The following VASH2 variants were observed in gnomAD, a reference collection of about 807,000 sequenced individuals.
VASH2 encodes vasohibin 2, also known as tubulinyl-Tyr carboxypeptidase 2.
In VASH2, 28 loss-of-function variants were observed where a neutral mutation model predicts 37.2. That is an observed-to-expected ratio of 0.75 (90% CI 0.56 to 1.03). The LOEUF (loss-of-function observed/expected upper bound fraction) is 1.03, where lower values mean the gene tolerates loss of function less well. Ranked by LOEUF, VASH2 falls within the 50% of genes least tolerant of loss-of-function variation. The pLI is 0.00. For synonymous variants in VASH2, 188 were observed against 174.7 expected, an observed-to-expected ratio of 1.08 and a Z score of -0.60; for missense variants, 419 against 459.1, an observed-to-expected ratio of 0.91 and a Z score of 0.80.
intron 7 of VASH2, 94 bp downstream of exon 7, chr1:212,974,164 G>C: frequency 1.4e-6 from 2 of 1,422,438 alleles, no homozygotes; most frequent in South Asian, 3.0e-5. Flanking sequence ...TCTTGGGCAT[G>C]GCATTTGAAC....
intron 7 of VASH2, among the ~76,000 whole-genome samples, 169 bp downstream of exon 7, chr1:212,974,239 G>T (rs60620122): frequency 0.076 from 11,576 of 152,100 alleles, 857 homozygotes; most frequent in African/African-American, 0.2. Context: ...GGATCCACTG[G>T]GCACATCACC....
At chr1:212,958,205 G>A (rs1232068702) in intron 2 of VASH2, among the ~76,000 whole-genome samples, 2 of 152,164 alleles carry the variant, frequency 1.3e-5, no homozygotes, top group African/African-American at 4.8e-5. Flanking sequence ...GGTTGGAAGT[G>A]GACCCTCCAG....
intron 3 of VASH2, among the ~76,000 whole-genome samples, chr1:212,965,390 G>GT (rs35617639): frequency 2.0e-5 from 3 of 152,102 alleles, no homozygotes; most frequent in African/African-American, 2.4e-5. Context: ...AAAAAAACTT[G>GT]TTTTTTTAAA....
At chr1:212,981,471 T>G (rs528425517) in intron 7 of VASH2, among the ~76,000 whole-genome samples, 33 of 152,336 alleles carry the variant, frequency 2.2e-4, no homozygotes, top group African/African-American at 6.0e-4. Flanking sequence ...AATCGGGGCC[T>G]GGTCTGACCT....
intron 5 of VASH2, chr1:212,967,061 A>G (rs1259220300): frequency 7.7e-7 from 1 of 1,293,288 alleles, no homozygotes; most frequent in Non-Finnish European, 1.0e-6. Context: ...GGAAAATTCT[A>G]AGAGTGGCGT....
intron 3 of VASH2, 29 bp from the exon 4 acceptor site, chr1:212,965,693 G>C: frequency 6.5e-7 from 1 of 1,541,394 alleles, no homozygotes; most frequent in Middle Eastern, 1.7e-4. Flanking sequence ...GGAGTTTTCT[G>C]TCACTTTCCC....
intron 2 of VASH2, among the ~76,000 whole-genome samples, chr1:212,955,744 C>T (rs775223533): frequency 2.6e-5 from 4 of 152,194 alleles, no homozygotes; most frequent in African/African-American, 7.2e-5. Flanking sequence ...CCGAGCTTCA[C>T]CTGAGTGAAG....
At position 212,950,898 on chromosome 1, in the gene VASH2, G is replaced by T. The variant is rs1301888996; in HGVS notation, c.-205+158G>T. Among the ~76,000 whole-genome samples, 1 of 152,250 alleles carries T rather than the reference G, an allele frequency of 6.6e-6. No homozygotes were observed. Among genetic ancestry groups the T allele is most frequent in the Non-Finnish European group, 1.5e-5 (1 of 68,038 alleles). The stretch of plus-strand genomic sequence containing the variant: ...CCGGGAGGGCTTCCTGGAAGAAAGC[G>T]GGCCGCCTTGCAAGCCAAGGCTGCT... On this transcript the variant is annotated intron_variant, in intron 1 of 7. Transcript: ENST00000517399. The surrounding 1 kb of genome is among the most constrained non-coding windows in gnomAD (Gnocchi z 5.5).
chr1:212,965,290 G>C (rs1232822546), intron 3 of VASH2, among the ~76,000 whole-genome samples: 1 of 152,180 alleles, frequency 6.6e-6, no homozygotes, highest in Non-Finnish European at 1.5e-5. Flanking sequence ...GTATACCTGA[G>C]GTCCCAGCTA....
At chr1:212,958,293 T>G (rs908299819) in intron 2 of VASH2, among the ~76,000 whole-genome samples, 7 of 151,954 alleles carry the variant, frequency 4.6e-5, no homozygotes, top group Non-Finnish European at 1.0e-4. Flanking sequence ...TCTCTGCGCC[T>G]CCCCGCCACT....
intron 2 of VASH2, chr1:212,952,435 T>A (rs138659439): frequency 6.6e-6 from 1 of 152,516 alleles, no homozygotes; most frequent in Non-Finnish European, 1.5e-5. Context: ...CCCAGCTTAT[T>A]TGTGCTCCAA....
chr1:212,965,019 C>T lies in VASH2; in HGVS notation c.366-703C>T, dbSNP rs1304674196. On this transcript the variant is annotated intron_variant, in intron 3 of 7. Coordinates refer to ENST00000517399, the MANE Select transcript of VASH2 (RefSeq NM_001301056.2). Reference sequence around the variant, plus strand: ...CACCATAAATTCTGCCTCTTAGATTCAAGTGATTCTCCTGCCTCAGCCTCC... The same window carrying T: ...CACCATAAATTCTGCCTCTTAGATTTAAGTGATTCTCCTGCCTCAGCCTCC... Among the ~76,000 whole-genome samples the T allele has an allele frequency of 2.0e-5, 3 of 151,108 alleles. 1 individual carries two copies. The South Asian group carries it at 6.3e-4, about 32-fold the overall frequency.
intron 3 of VASH2, among the ~76,000 whole-genome samples, chr1:212,962,950 G>A (rs965666123): frequency 1.3e-5 from 2 of 151,280 alleles, no homozygotes; most frequent in African/African-American, 4.9e-5. Flanking sequence ...TCTAGAAGGT[G>A]ACAGCAATTA....
chr1:212,974,044 G>A lies in VASH2; in HGVS notation c.969G>A (p.Pro323=), dbSNP rs775209994. The change falls in exon 7 of 8, where the codon CCG becomes CCA. Residue 323 remains proline, a synonymous_variant. Coordinates refer to ENST00000517399, the MANE Select transcript of VASH2 (RefSeq NM_001301056.2). ...CCAGAAGGAGACAGGCAAGCCCCCC[G>A]AGGAGGCTCGGCCGGCGAGAGAAGT... is the stretch of plus-strand genomic sequence containing the variant. ...LSPRRRQASP[P]RRLGRREKSP... 2.5e-5 allele frequency: 41 copies of A among 1,613,390 alleles called. No individual in the cohort carries two copies. Among genetic ancestry groups the A allele is most frequent in the South Asian group, 5.5e-5 (5 of 91,032 alleles).
chr1:212,959,328 C>A (rs1023754746), intron 2 of VASH2, among the ~76,000 whole-genome samples: 6 of 152,160 alleles, frequency 3.9e-5, no homozygotes, highest in African/African-American at 1.4e-4. Flanking sequence ...GCCTTGCCCC[C>A]TGAAATGACT....
chr1:212,954,718 G>A (rs907076536), intron 2 of VASH2, among the ~76,000 whole-genome samples: 10 of 152,094 alleles, frequency 6.6e-5, no homozygotes, highest in Non-Finnish European at 1.5e-5. Context: ...GCGCCCAGCT[G>A]GTCTTCCCTT....
rs1183967210 is a variant in VASH2 at position 212,988,648 on chromosome 1, T to G, written c.*64T>G. 15 of 1,517,700 alleles carry G rather than the reference T, an allele frequency of 9.9e-6. No homozygotes were observed. The highest frequency in any genetic ancestry group is 1.4e-5 in the Non-Finnish European group (15 of 1,093,872). The allele number at this position is 1,517,700 out of a possible 1,614,324, so 94.0% of individuals were successfully genotyped here. A position where few individuals can be genotyped will look rare whatever the true frequency, so the allele number is the denominator to read the frequency against. On this transcript the variant is annotated 3_prime_UTR_variant, in exon 8 of 8. Coordinates refer to ENST00000517399, the MANE Select transcript of VASH2 (RefSeq NM_001301056.2). The stretch of plus-strand genomic sequence containing the variant: ...TTCTCTCTGCACTTTACCCAGCATC[T>G]TCAGGAGGAACTGCAACTATTTATT...
chr1:212,951,394 T>TCCCG lies in VASH2; in HGVS notation c.-149_-148insCCCG. ...AGCTCCCGCCGCCGCTCCCCCTTGG[T>TCCCG]GAGTCCTGCCGCAGCGAGAGGCATG... On this transcript the variant is annotated 5_prime_UTR_variant, in exon 2 of 8. Coordinates refer to ENST00000517399, the MANE Select transcript of VASH2 (RefSeq NM_001301056.2). The surrounding 1 kb of genome is among the most constrained non-coding windows in gnomAD (Gnocchi z 4.4). 3.5e-6 allele frequency: 1 copy of TCCCG among 288,020 alleles called. No individual in the cohort carries two copies. The highest frequency in any genetic ancestry group is 5.3e-6 in the Non-Finnish European group (1 of 189,856). 17.8% of individuals were successfully genotyped at this position (288,020 alleles called of 1,614,324 possible).
chr1:212,973,909 A>G (rs1667095467), intron 6 of VASH2, 46 bp from the exon 7 acceptor site: 1 of 1,591,264 alleles, frequency 6.3e-7, no homozygotes. Flanking sequence ...CTGAGGGTGG[A>G]GGTCCCTTAG....
Sources: gnomAD v4.1 joint callset for allele counts (sites outside exome capture counted in the v4.1 genomes callset) on GRCh38, gnomAD v4.1.1 for gene constraint, Gnocchi (gnomAD v3.1) non-coding constraint, MANE v1.5 for transcripts, NCBI Gene and HGNC (gene_info 2026-07-23, HGNC 2026-07-21) for gene names.